Variants in SCYL2 observed in about 807,000 individuals in gnomAD.
SCYL2 encodes SCY1 like pseudokinase 2.
In SCYL2, 36 loss-of-function variants were observed where a neutral mutation model predicts 100.4. The ratio of observed to expected loss-of-function variants is 0.36; its 90% CI spans 0.27 to 0.47. The LOEUF (loss-of-function observed/expected upper bound fraction) is 0.47, where lower values mean the gene tolerates loss of function less well. Among genes scored for constraint, SCYL2 ranks in the 20% least tolerant of loss-of-function variants. The pLI is 1.00. For synonymous variants in SCYL2, 330 were observed against 359.2 expected (o/e 0.92, Z 0.92); for missense variants, 902 against 1,083.9 (o/e 0.83, Z 2.36).
At chr12:100,326,501 TA>T in intron 11 of SCYL2, 120 bp from the exon 12 acceptor site, 1 of 682,418 alleles carries the variant, frequency 1.5e-6, no homozygotes, top group East Asian at 3.1e-5. Context: ...TGAGAGCTTC[TA>T]AATCTACATT....
In SCYL2 at chr12:100,338,999, G is replaced by T; in HGVS notation, c.2617G>T (p.Gly873Cys). 6.2e-7 allele frequency: 1 copy of T among 1,614,068 alleles called. No homozygotes were observed. The highest frequency in any genetic ancestry group is 2.2e-5 in the East Asian group (1 of 44,882). The change falls in exon 18 of 18, where the codon GGT becomes TGT. Residue 873 changes from glycine to cysteine, a missense_variant. Coordinates refer to ENST00000360820, the MANE Select transcript of SCYL2 (RefSeq NM_017988.6). ...QWLNQFVPPQ[G>C]SPTMGSSVMG... is the part of the protein sequence containing the mutation. ...GCTTAATCAGTTTGTACCTCCTCAA[G>T]GTTCTCCAACTATGGGCAGTTCAGT...
chr12:100,270,238 C>T (rs1358297390), intron 1 of SCYL2, among the ~76,000 whole-genome samples: 2 of 152,114 alleles, frequency 1.3e-5, no homozygotes, highest in East Asian at 1.9e-4. Flanking sequence ...CCACCCGCCT[C>T]GGCTTCCCAA....
intron 4 of SCYL2, among the ~76,000 whole-genome samples, chr12:100,308,428 G>A: frequency 6.6e-6 from 1 of 152,126 alleles, no homozygotes; most frequent in East Asian, 1.9e-4. Flanking sequence ...ATAAGTGGGA[G>A]TTGAACAGTG....
rs2096324755 is a variant in SCYL2, at chr12:100,299,310, T to C, written c.480+1135T>C. On this transcript the variant is annotated intron_variant, in intron 4 of 17. Coordinates refer to ENST00000360820, the MANE Select transcript of SCYL2 (RefSeq NM_017988.6). ...ATTTATATAGTAGATTCTAAGTTCC[T>C]TTTGGGCAGACATTATTTTTATTAC... Among the ~76,000 whole-genome samples the C allele has an allele frequency of 2.0e-5, 3 of 152,342 alleles. No homozygotes were observed. In the South Asian group the frequency reaches 6.2e-4, roughly 32 times the overall value.
intron 13 of SCYL2, among the ~76,000 whole-genome samples, chr12:100,332,718 G>A (rs868508368): frequency 3.2e-4 from 45 of 140,100 alleles, no homozygotes; most frequent in African/African-American, 1.0e-3. Flanking sequence ...TTTTATTTTT[G>A]TTTTTTTTTT....
chr12:100,269,890 G>T (rs1304445230), intron 1 of SCYL2, among the ~76,000 whole-genome samples: 1 of 152,096 alleles, frequency 6.6e-6, no homozygotes, highest in Non-Finnish European at 1.5e-5. Context: ...AAGTTATCCA[G>T]GTTATTTAGA....
At chr12:100,316,983 T>G (rs1291547444) in intron 9 of SCYL2, among the ~76,000 whole-genome samples, 3 of 151,996 alleles carry the variant, frequency 2.0e-5, no homozygotes, top group African/African-American at 7.2e-5. Flanking sequence ...TGGTCCCAGC[T>G]ACTCAGGAGG....
chr12:100,295,639 G>C, intron 3 of SCYL2, among the ~76,000 whole-genome samples: 1 of 152,202 alleles, frequency 6.6e-6, no homozygotes, highest in Non-Finnish European at 1.5e-5. Context: ...AGTGAGCCGA[G>C]ATGGCAGCAG....
intron 1 of SCYL2, among the ~76,000 whole-genome samples, chr12:100,277,310 A>G (rs1329089588): frequency 1.3e-5 from 2 of 152,074 alleles, no homozygotes; most frequent in African/African-American, 2.4e-5. Context: ...GTCCTTACTG[A>G]TTTTTCTCTC....
chr12:100,289,486 G>C (rs2096308101), intron 2 of SCYL2, among the ~76,000 whole-genome samples: 1 of 152,186 alleles, frequency 6.6e-6, no homozygotes, highest in Non-Finnish European at 1.5e-5. Context: ...TTCCTGAAAA[G>C]TACTTAGCAC....
chr12:100,320,878 TCTTCTCC>T (rs1466101087), intron 10 of SCYL2, among the ~76,000 whole-genome samples: 1 of 152,200 alleles, frequency 6.6e-6, no homozygotes, highest in East Asian at 1.9e-4. Context: ...TTGCCCATTC[TCTTCTCC>T]CATCTGTGGT....
At chr12:100,298,327 TC>T in intron 4 of SCYL2, 152 bp downstream of exon 4, 1 of 563,780 alleles carries the variant, frequency 1.8e-6, no homozygotes, top group South Asian at 2.8e-5. Flanking sequence ...GGAAATTTTT[TC>T]TGCAGTTTGT....
chr12:100,269,121 T>C (rs1279121033), intron 1 of SCYL2, among the ~76,000 whole-genome samples: 3 of 152,200 alleles, frequency 2.0e-5, no homozygotes, highest in African/African-American at 7.2e-5. Context: ...TTAAAATCTT[T>C]CAGTGGCTTC....
chr12:100,270,623 CTTTTTTTTTT>C (rs559329533), intron 1 of SCYL2, among the ~76,000 whole-genome samples: 3 of 125,704 alleles, frequency 2.4e-5, no homozygotes, highest in African/African-American at 6.1e-5. Context: ...ATGTTGCTTT[CTTTTTTTTTT>C]TTTTTTTAAT....
At chr12:100,284,227 AG>A (rs1169419977) in intron 2 of SCYL2, among the ~76,000 whole-genome samples, 2 of 152,234 alleles carry the variant, frequency 1.3e-5, no homozygotes, top group African/African-American at 4.8e-5. Context: ...TGGTAATATC[AG>A]TAGTTCATAT....
intron 10 of SCYL2, among the ~76,000 whole-genome samples, chr12:100,320,506 C>T (rs1408993118): frequency 6.6e-6 from 1 of 151,852 alleles, no homozygotes; most frequent in African/African-American, 2.4e-5. Context: ...TGAGATCGTG[C>T]CACTGCACTC....
chr12:100,279,084 T>G (rs1050860286), intron 1 of SCYL2, among the ~76,000 whole-genome samples: 1 of 152,236 alleles, frequency 6.6e-6, no homozygotes, highest in Non-Finnish European at 1.5e-5. Flanking sequence ...ATTTAATTTC[T>G]TGGAGCTTTG....
chr12:100,280,269 T>TGAAATAAAATGTATA (rs2096296696), intron 1 of SCYL2, among the ~76,000 whole-genome samples: 5 of 152,262 alleles, frequency 3.3e-5, no homozygotes, highest in Admixed American at 2.0e-4. Context: ...TTTAAATGTA[T>TGAAATAAAATGTATA]GAAATAAAAT....
chr12:100,303,797 A>T (rs1218310514), intron 4 of SCYL2, among the ~76,000 whole-genome samples: 1 of 152,014 alleles, frequency 6.6e-6, no homozygotes, highest in African/African-American at 2.4e-5. Flanking sequence ...GTGCTGGGAG[A>T]TCCGCTGCTC....
Sources: allele counts gnomAD v4.1 joint callset (sites outside exome capture counted in the v4.1 genomes callset), GRCh38; gene constraint gnomAD v4.1.1; transcripts MANE v1.5; gene names NCBI Gene and HGNC (gene_info 2026-07-23, HGNC 2026-07-21).